The following PLXNC1 variants were observed in gnomAD, a reference collection of about 807,000 sequenced individuals.
PLXNC1 encodes the protein plexin C1, also known as plexin-C1.
PLXNC1 carries 75 observed loss-of-function variants against 178.2 expected under a neutral mutation model. The ratio of observed to expected loss-of-function variants is 0.42; its 90% CI spans 0.35 to 0.51. The LOEUF (loss-of-function observed/expected upper bound fraction) is 0.51. PLXNC1 is among the 20% of genes least tolerant of loss of function. The pLI is 0.02. For missense variants in PLXNC1, 1,503 were observed against 1,984.4 expected (o/e 0.76, Z 4.61); for synonymous variants, 790 against 779.9 (o/e 1.01, Z -0.22).
rs368120192 is a variant in PLXNC1 at position 94,233,221 on chromosome 12, C to T, written c.1981-4443C>T. Among the ~76,000 whole-genome samples, 230 of 152,234 alleles carry T rather than the reference C, an allele frequency of 1.5e-3. 1 individual carries two copies. Among genetic ancestry groups the T allele is most frequent in the African/African-American group, 5.5e-3 (227 of 41,548 alleles). ...ACACGGCTGGGCATCTGCTCCAAGACAGGGAGAGCAGAATAGGCTTAGTGA... is the reference window on the plus strand; with the variant it reads ...ACACGGCTGGGCATCTGCTCCAAGATAGGGAGAGCAGAATAGGCTTAGTGA... On this transcript the variant is annotated intron_variant, in intron 9 of 30. Transcript: ENST00000258526.
chr12:94,156,166 A>G (rs1565784353), intron 1 of PLXNC1, among the ~76,000 whole-genome samples: 1 of 152,222 alleles, frequency 6.6e-6, no homozygotes, highest in Non-Finnish European at 1.5e-5. Flanking sequence ...TATAGAATGA[A>G]TACTACTAAC....
rs187893174 is a variant in PLXNC1, at chr12:94,212,955, G to A, written c.1554+3251G>A. On this transcript the variant is annotated intron_variant, in intron 5 of 30. Coordinates refer to ENST00000258526, the MANE Select transcript of PLXNC1 (RefSeq NM_005761.3). ...AAGATGGTCTCAATCTCCTGACCTC[G>A]TGATCTGCCCGCCTTGGCCTCCCAA... is the stretch of plus-strand genomic sequence containing the variant. Among the ~76,000 whole-genome samples, 1,266 of 152,216 alleles carry A rather than the reference G, an allele frequency of 8.3e-3. 26 individuals are homozygous for A. Among genetic ancestry groups the A allele is most frequent in the African/African-American group, 0.028 (1,175 of 41,532 alleles).
chr12:94,185,344 C>A (rs999961807), intron 3 of PLXNC1, among the ~76,000 whole-genome samples: 1 of 152,168 alleles, frequency 6.6e-6, no homozygotes, highest in East Asian at 1.9e-4. Flanking sequence ...TTCTAGAACT[C>A]CTTATTTCTC....
intron 17 of PLXNC1, among the ~76,000 whole-genome samples, chr12:94,258,572 C>T (rs1384188925): frequency 6.6e-6 from 1 of 152,164 alleles, no homozygotes; most frequent in Non-Finnish European, 1.5e-5. Flanking sequence ...ATTGATGATA[C>T]ACTATAAACC....
chr12:94,274,015 C>T lies in PLXNC1; in HGVS notation c.3598-5457C>T, dbSNP rs995892905. On this transcript the variant is annotated intron_variant, in intron 21 of 30. Transcript: ENST00000258526. ...GCCACCGCTCCAAGCGCTACTCCCCCTTTTGTTTGGATAGAAGACTTCCAA... is the reference window on the plus strand; with the variant it reads ...GCCACCGCTCCAAGCGCTACTCCCCTTTTTGTTTGGATAGAAGACTTCCAA... Among the ~76,000 whole-genome samples, 7 of 152,048 alleles carry T rather than the reference C, an allele frequency of 4.6e-5. No individual in the cohort carries two copies. The East Asian group carries it at 1.4e-3, about 30-fold the overall frequency.
At chr12:94,200,606 G>GC (rs141168220) in intron 4 of PLXNC1, among the ~76,000 whole-genome samples, 26,632 of 152,114 alleles carry the variant, frequency 0.18, 2,483 homozygotes, top group Middle Eastern at 0.19. Flanking sequence ...AAGGAATGTG[G>GC]CCCCCAGTTA....
intron 24 of PLXNC1, among the ~76,000 whole-genome samples, 179 bp from the exon 25 acceptor site, chr12:94,297,010 G>A (rs971543822): frequency 6.6e-6 from 1 of 152,102 alleles, no homozygotes; most frequent in African/African-American, 2.4e-5. Flanking sequence ...CCATCTTCAC[G>A]CTGTTCTTAA....
In PLXNC1 at chr12:94,149,259, C is replaced by G; in HGVS notation, c.288C>G (p.Pro96=). ...CAGAGCCGGTCTCGCTGGCGCCCCC[C>G]GCGCGGCCCCGGCCCGGGAGCAGCT... is the stretch of plus-strand genomic sequence containing the variant. ...NCTEPVSLAP[P]ARPRPGSSFS... is the part of the protein sequence containing the mutation. Residue 96 remains proline (P), a synonymous_variant, in exon 1 of 31, where the codon CCC becomes CCG. Coordinates refer to ENST00000258526, the MANE Select transcript of PLXNC1 (RefSeq NM_005761.3). The G allele has an allele frequency of 6.5e-7, 1 of 1,540,072 alleles. No individual in the cohort carries two copies. Among genetic ancestry groups the G allele is most frequent in the Non-Finnish European group, 8.7e-7 (1 of 1,152,114 alleles).
intron 2 of PLXNC1, among the ~76,000 whole-genome samples, chr12:94,179,508 A>T: frequency 6.6e-6 from 1 of 152,164 alleles, no homozygotes; most frequent in East Asian, 1.9e-4. Flanking sequence ...TGGGAGGCAG[A>T]GGCGAGCGGA....
Position 94,296,871 on chromosome 12 carries a change from C to T in PLXNC1, c.3935-318C>T, listed in dbSNP as rs117923130. On this transcript the variant is annotated intron_variant, in intron 24 of 30. Transcript: ENST00000258526. ...TGGGTCTTATTCATTGCTATATGCCCAGTAGTCCCTGGCACATAGGAGGTG... is the reference window on the plus strand; with the variant it reads ...TGGGTCTTATTCATTGCTATATGCCTAGTAGTCCCTGGCACATAGGAGGTG... 7.9e-4 allele frequency among the ~76,000 whole-genome samples: 120 copies of T among 152,266 alleles called. 1 individual carries two copies. In the East Asian group the frequency reaches 0.022, roughly 28 times the overall value.
At chr12:94,178,938 T>A (rs1461526480) in intron 2 of PLXNC1, among the ~76,000 whole-genome samples, 1 of 152,178 alleles carries the variant, frequency 6.6e-6, no homozygotes, top group Admixed American at 6.5e-5. Flanking sequence ...TATGTTTGGT[T>A]AGTGAGATTG....
At chr12:94,219,894 A>G in intron 5 of PLXNC1, 122 bp from the exon 6 acceptor site, 1 of 660,748 alleles carries the variant, frequency 1.5e-6, no homozygotes. Context: ...TATTCTTTAC[A>G]TCAGCTCTTC....
chr12:94,185,752 T>A (rs1007849486), intron 3 of PLXNC1, among the ~76,000 whole-genome samples: 10 of 152,346 alleles, frequency 6.6e-5, no homozygotes, highest in Admixed American at 5.2e-4. Context: ...TCCTCCTCGT[T>A]TCCACATTGA....
chr12:94,255,586 A>G (rs973024035), intron 17 of PLXNC1, among the ~76,000 whole-genome samples: 2 of 152,218 alleles, frequency 1.3e-5, no homozygotes, highest in African/African-American at 2.4e-5. Context: ...TCAATGTAGA[A>G]CTGAATGTGT....
intron 1 of PLXNC1, among the ~76,000 whole-genome samples, chr12:94,162,934 A>G (rs992883036): frequency 2.6e-5 from 4 of 152,302 alleles, no homozygotes; most frequent in South Asian, 4.1e-4. Flanking sequence ...AATAGAGGGC[A>G]CTGCTTTGTG....
intron 14 of PLXNC1, among the ~76,000 whole-genome samples, chr12:94,249,556 A>G (rs948506687): frequency 1.3e-5 from 2 of 152,226 alleles, no homozygotes; most frequent in Non-Finnish European, 1.5e-5. Context: ...TAAGTCAGGA[A>G]TAACAACTAG....
At chr12:94,279,065 G>A (rs1288292282) in intron 21 of PLXNC1, among the ~76,000 whole-genome samples, 2 of 151,788 alleles carry the variant, frequency 1.3e-5, no homozygotes, top group Non-Finnish European at 2.9e-5. Flanking sequence ...ACCTAGAACT[G>A]CACTTCTGGG....
rs1447739869 is a variant in PLXNC1 at position 94,150,015 on chromosome 12, G to A, written c.1044G>A (p.Lys348=). 8.8e-6 allele frequency: 14 copies of A among 1,595,840 alleles called. No individual in the cohort carries two copies. Among genetic ancestry groups the A allele is most frequent in the South Asian group, 3.4e-5 (3 of 88,494 alleles). Residue 348 remains lysine, a synonymous_variant, in exon 1 of 31, where the codon AAG becomes AAA. Transcript: ENST00000258526. ...ARAKRVSWDF[K]TAESHCKEGD... is the part of the protein sequence containing the mutation. ...CCAAGAGGGTCAGCTGGGACTTCAA[G>A]ACGGCCGAGAGCCACTGCGTAAGTC...
At chr12:94,207,666 A>G (rs1277542125) in intron 4 of PLXNC1, among the ~76,000 whole-genome samples, 1 of 152,230 alleles carries the variant, frequency 6.6e-6, no homozygotes, top group Non-Finnish European at 1.5e-5. Flanking sequence ...GACTTATGAA[A>G]TAGTTAAGTT....
Sources: allele counts gnomAD v4.1 joint callset (sites outside exome capture counted in the v4.1 genomes callset), GRCh38; gene constraint gnomAD v4.1.1; transcripts MANE v1.5; gene names NCBI Gene and HGNC (gene_info 2026-07-23, HGNC 2026-07-21).